PHACTR1: variants seen among roughly 807,000 people sequenced by gnomAD.
PHACTR1 encodes the protein phosphatase and actin regulator 1.
Under a neutral mutation model 69.2 loss-of-function variants are expected in PHACTR1, and 16 were observed. The observed-to-expected ratio is 0.23, with a 90% CI of 0.16 to 0.35. The LOEUF (loss-of-function observed/expected upper bound fraction) is 0.35, where lower values mean the gene tolerates loss of function less well. PHACTR1 is among the 10% of genes least tolerant of loss of function. The pLI is 1.00. For synonymous variants in PHACTR1, 312 were observed against 284.5 expected (o/e 1.10, Z -0.97); for missense variants, 510 against 734.7 (o/e 0.69, Z 3.54).
chr6:12,798,025 CTCA>C (rs1201647039), intron 4 of PHACTR1, among the ~76,000 whole-genome samples: 1 of 117,720 alleles, frequency 8.5e-6, no homozygotes, highest in Non-Finnish European at 1.9e-5. Context: ...CTGTCAATGT[CTCA>C]TCATTTCCTA....
chr6:12,832,622 C>T (rs1777707628), intron 4 of PHACTR1, among the ~76,000 whole-genome samples: 1 of 151,908 alleles, frequency 6.6e-6, no homozygotes, highest in Non-Finnish European at 1.5e-5. Flanking sequence ...CCAATGAAGT[C>T]GCAAAGCAAG....
intron 4 of PHACTR1, among the ~76,000 whole-genome samples, chr6:13,049,161 A>G (rs1805553730): frequency 2.0e-5 from 3 of 152,178 alleles, no homozygotes; most frequent in African/African-American, 7.2e-5. Context: ...CTAATTTCAT[A>G]TCATTATTTT....
chr6:12,749,907 G>A, intron 4 of PHACTR1, 117 bp downstream of exon 4: 1 of 983,196 alleles, frequency 1.0e-6, no homozygotes. Flanking sequence ...CGGGCGCTCA[G>A]CACTCGCGCT....
At chr6:12,980,909 T>A (rs1477763372) in intron 4 of PHACTR1, among the ~76,000 whole-genome samples, 1 of 152,266 alleles carries the variant, frequency 6.6e-6, no homozygotes, top group African/African-American at 2.4e-5. Flanking sequence ...ACATCAGTAT[T>A]CATAGCTCCG....
At chr6:13,231,811 A>G (rs148508947) in intron 10 of PHACTR1, among the ~76,000 whole-genome samples, 5 of 152,362 alleles carry the variant, frequency 3.3e-5, no homozygotes, top group African/African-American at 1.2e-4. Context: ...AACATTTTAT[A>G]TGTATTACAT....
At position 12,735,509 on chromosome 6, in the gene PHACTR1, C is replaced by G. The variant is rs545574089; in HGVS notation, c.104-14135C>G. Among the ~76,000 whole-genome samples, 3 of 152,182 alleles carry G rather than the reference C, an allele frequency of 2.0e-5. No individual in the cohort carries two copies. The East Asian group carries it at 5.8e-4, about 29-fold the overall frequency. Reference sequence around the variant, plus strand: ...TTCAAAAGAAAGAGGGAGCATAGCTCATACACCTAAACAGTTTTTGTTAAT... The same window carrying G: ...TTCAAAAGAAAGAGGGAGCATAGCTGATACACCTAAACAGTTTTTGTTAAT... On this transcript the variant is annotated intron_variant, in intron 3 of 14. Transcript: ENST00000332995.
intron 5 of PHACTR1, among the ~76,000 whole-genome samples, chr6:13,122,270 G>A (rs1386830021): frequency 6.6e-6 from 1 of 152,156 alleles, no homozygotes; most frequent in African/African-American, 2.4e-5. Context: ...ATTTTCAAAG[G>A]TTATTTTTAA....
intron 4 of PHACTR1, among the ~76,000 whole-genome samples, chr6:12,808,754 T>G (rs1774648343): frequency 7.1e-6 from 1 of 139,918 alleles, no homozygotes; most frequent in Non-Finnish European, 1.5e-5. Context: ...TTCTTCCTCT[T>G]CCTCTTCTTC....
At chr6:13,051,539 G>A (rs1024698837) in intron 4 of PHACTR1, among the ~76,000 whole-genome samples, 1 of 152,094 alleles carries the variant, frequency 6.6e-6, no homozygotes, top group Non-Finnish European at 1.5e-5. Flanking sequence ...TGAGTTCCTT[G>A]AAGTCCCTAG....
chr6:12,724,986 G>A (rs1370599518), intron 3 of PHACTR1, among the ~76,000 whole-genome samples: 1 of 152,134 alleles, frequency 6.6e-6, no homozygotes, highest in Non-Finnish European at 1.5e-5. Context: ...ACCAGGCTCA[G>A]TCGTCACTGT....
intron 4 of PHACTR1, among the ~76,000 whole-genome samples, chr6:12,979,443 C>T (rs576456080): frequency 7.9e-5 from 12 of 152,226 alleles, no homozygotes; most frequent in African/African-American, 2.4e-4. Context: ...GAATAGTTGG[C>T]GAGGTCCAGA....
Position 12,768,863 on chromosome 6 carries a change from A to AG in PHACTR1, c.250+19073_250+19074insG, listed in dbSNP as rs1561864885. The stretch of plus-strand genomic sequence containing the variant: ...ACACACACACACACACACACACACA[A>AG]TGGAATACTATTGAGCCATAAAACA... On this transcript the variant is annotated intron_variant, in intron 4 of 14. Coordinates refer to ENST00000332995, the MANE Select transcript of PHACTR1 (RefSeq NM_030948.6). 1.6e-3 allele frequency among the ~76,000 whole-genome samples: 221 copies of AG among 136,576 alleles called. 1 individual carries two copies. The highest frequency in any genetic ancestry group is 6.1e-3 in the African/African-American group (210 of 34,300). 89.6% of individuals were successfully genotyped at this position (136,576 alleles called of 152,430 possible).
intron 4 of PHACTR1, among the ~76,000 whole-genome samples, chr6:13,034,486 T>G (rs1200736702): frequency 6.6e-6 from 1 of 152,220 alleles, no homozygotes; most frequent in Non-Finnish European, 1.5e-5. Context: ...TCTTGGAGGT[T>G]CAGTTATTAC....
chr6:13,140,784 T>C (rs576024554), intron 5 of PHACTR1, among the ~76,000 whole-genome samples: 7 of 152,374 alleles, frequency 4.6e-5, no homozygotes, highest in African/African-American at 1.7e-4. Flanking sequence ...ATTTTCTTAT[T>C]TATAGTCTAC....
chr6:12,864,476 C>G (rs1034313687), intron 4 of PHACTR1, among the ~76,000 whole-genome samples: 9 of 152,256 alleles, frequency 5.9e-5, no homozygotes, highest in Admixed American at 2.0e-4. Flanking sequence ...GTCAGAAGAT[C>G]CAGACCATCC....
chr6:13,254,385 A>C (rs992472092), intron 10 of PHACTR1, among the ~76,000 whole-genome samples: 2 of 152,208 alleles, frequency 1.3e-5, no homozygotes, highest in African/African-American at 4.8e-5. Flanking sequence ...TAGTCCTCTT[A>C]GTTGGAGTAT....
chr6:12,751,904 G>T (rs895675381), intron 4 of PHACTR1, among the ~76,000 whole-genome samples: 2 of 152,180 alleles, frequency 1.3e-5, no homozygotes, highest in African/African-American at 4.8e-5. Context: ...GTCCTCCCTT[G>T]GTGGTGCTGA....
intron 4 of PHACTR1, among the ~76,000 whole-genome samples, chr6:12,752,974 C>T (rs1261639074): frequency 6.6e-6 from 1 of 152,170 alleles, no homozygotes; most frequent in East Asian, 1.9e-4. Context: ...ATTTAGTAGA[C>T]ACAAACATTG....
chr6:12,854,094 G>A (rs1780092458), intron 4 of PHACTR1, among the ~76,000 whole-genome samples: 1 of 152,180 alleles, frequency 6.6e-6, no homozygotes, highest in South Asian at 2.1e-4. Context: ...ATAGTGGGAA[G>A]CAAAACGTAA....
Sources: gnomAD v4.1 joint callset for allele counts (sites outside exome capture counted in the v4.1 genomes callset) on GRCh38, gnomAD v4.1.1 for gene constraint, MANE v1.5 for transcripts, NCBI Gene and HGNC (gene_info 2026-07-23, HGNC 2026-07-21) for gene names.